Variants in TRIM47 observed in about 807,000 individuals in gnomAD.
The protein encoded by TRIM47 is tripartite motif containing 47.
A neutral mutation model predicts 54.4 loss-of-function variants in TRIM47; 46 were observed. The observed-to-expected ratio is 0.84, with a 90% CI of 0.67 to 1.08. The LOEUF (loss-of-function observed/expected upper bound fraction) is 1.08, where lower values mean the gene tolerates loss of function less well. TRIM47 is among the 50% of genes least tolerant of loss of function. TRIM47 has a pLI of 0.00. For missense variants in TRIM47, 825 were observed against 910.1 expected (o/e 0.91, Z 1.20); for synonymous variants, 392 against 410.2 (o/e 0.96, Z 0.54).
Position 75,875,848 on chromosome 17 carries a change from TGC to T in TRIM47, c.1201+51_1201+52del, listed in dbSNP as rs1490968673. The T allele has an allele frequency of 1.3e-6, 2 of 1,576,420 alleles. No individual in the cohort carries two copies. The highest frequency in any genetic ancestry group is 2.7e-5 in the African/African-American group (2 of 74,150). ...GATGGGCGCCAGGCCTGGGGGCCTG[TGC>T]GAGAGGCTGGCAGAGGGTGAGTCAT... On this transcript the variant is annotated intron_variant, in intron 4 of 5. Transcript: ENST00000254816. The surrounding 1 kb of genome is among the most constrained non-coding windows in gnomAD (Gnocchi z 6.1).
chr17:75,875,712 C>T lies in TRIM47; in HGVS notation c.1201+189G>A. On this transcript the variant is annotated intron_variant, in intron 4 of 5. Transcript: ENST00000254816. The surrounding 1 kb of genome is among the most constrained non-coding windows in gnomAD (Gnocchi z 6.1). ...TAGAGGGTGGGCTAGGAGAAGCCCC[C>T]TCTACCCCAGGTCCAAGGGGCTGAT... 1.3e-6 allele frequency: 1 copy of T among 766,428 alleles called. No homozygotes were observed. Among genetic ancestry groups the T allele is most frequent in the East Asian group, 2.7e-5 (1 of 37,176 alleles). 47.5% of individuals were successfully genotyped at this position (766,428 alleles called of 1,614,324 possible). A position where few individuals can be genotyped will look rare whatever the true frequency, so the allele number is the denominator to read the frequency against.
At position 75,878,300 on chromosome 17, in the gene TRIM47, C is replaced by G; in HGVS notation, c.249G>C (p.Ser83=). ...CCGGGCCGGGGCCGGACCCGGGGCC[C>G]GAGCCCTGGCGGAGCTGCAGCAGCT... ...LSELLQLRQG[S]GPGSGPGPAP... The change falls in exon 1 of 6, where the codon TCG becomes TCC. Residue 83 remains serine (S), a synonymous_variant. Coordinates refer to ENST00000254816, the MANE Select transcript of TRIM47 (RefSeq NM_033452.3). 7.8e-7 allele frequency: 1 copy of G among 1,274,762 alleles called. No individual in the cohort carries two copies. The allele number at this position is 1,274,762 out of a possible 1,614,324, so 79.0% of individuals were successfully genotyped here. A position where few individuals can be genotyped will look rare whatever the true frequency, so the allele number is the denominator to read the frequency against.
In TRIM47 at chr17:75,874,752, C is replaced by T; in HGVS notation, c.1648G>A (p.Val550Ile). ...LPHPFSPTVG[V>I]CLEYADRALA... ...GCACGGTCAGCGTATTCCAGGCAGA[C>T]CCCAACCGTGGGCGAGAAGGGGTGG... Residue 550 changes from valine to isoleucine, a missense_variant, in exon 6 of 6, where the codon GTC becomes ATC. Transcript: ENST00000254816. The surrounding 1 kb of genome is among the most constrained non-coding windows in gnomAD (Gnocchi z 6.2). 6.2e-7 allele frequency: 1 copy of T among 1,614,072 alleles called. No individual in the cohort carries two copies. The highest frequency in any genetic ancestry group is 1.1e-5 in the South Asian group (1 of 91,086).
chr17:75,877,985 C>A lies in TRIM47; in HGVS notation c.564G>T (p.Pro188=). ...EESLCPRHLR[P]LERYCRAERV... is the part of the protein sequence containing the mutation. ...GCTCCGCGCGGCAGTAGCGCTCGAG[C>A]GGCCGTAGGTGGCGCGGGCACAGGC... Residue 188 remains proline (P), a synonymous_variant, in exon 1 of 6, where the codon CCG becomes CCT. Transcript: ENST00000254816. The A allele has an allele frequency of 5.5e-6, 8 of 1,463,622 alleles. No homozygotes were observed. The highest frequency in any genetic ancestry group is 7.2e-6 in the Non-Finnish European group (8 of 1,111,914). The allele number at this position is 1,463,622 out of a possible 1,614,324, so 90.7% of individuals were successfully genotyped here. A position where few individuals can be genotyped will look rare whatever the true frequency, so the allele number is the denominator to read the frequency against.
In TRIM47 at chr17:75,874,266, GCT is replaced by G. The variant is rs1403218136; in HGVS notation, c.*215_*216del. 6 of 428,900 alleles carry G rather than the reference GCT, an allele frequency of 1.4e-5. No individual in the cohort carries two copies. Among genetic ancestry groups the G allele is most frequent in the African/African-American group, 1.2e-4 (6 of 49,266 alleles). The allele number at this position is 428,900 out of a possible 1,614,324, so 26.6% of individuals were successfully genotyped here. On this transcript the variant is annotated 3_prime_UTR_variant, in exon 6 of 6. Transcript: ENST00000254816. The surrounding 1 kb of genome is among the most constrained non-coding windows in gnomAD (Gnocchi z 6.2). Reference sequence around the variant, plus strand: ...GTAGCTTGGAGCTGTCCCAGCTGTAGCTCTGTCTCCCAGAAGTGAGGTCTGCA... The same window carrying G: ...GTAGCTTGGAGCTGTCCCAGCTGTAGCTGTCTCCCAGAAGTGAGGTCTGCA...
intron 1 of TRIM47, 46 bp from the exon 2 acceptor site, chr17:75,876,859 A>C (rs1400754294): frequency 6.3e-7 from 1 of 1,590,830 alleles, no homozygotes; most frequent in African/African-American, 1.3e-5. Flanking sequence ...CAGAGGCCAC[A>C]GCCCTACACT....
rs1291436873 is a variant in TRIM47 at position 75,876,822 on chromosome 17, A to G, written c.676-9T>C. On this transcript the variant is annotated splice_polypyrimidine_tract_variant and intron_variant, in intron 1 of 5. Coordinates refer to ENST00000254816, the MANE Select transcript of TRIM47 (RefSeq NM_033452.3). ...ACTTTGGACTGCTCAGCCTGTGGACAACACCCTCCATGAGTGTGAGGTCTG... is the reference window on the plus strand; with the variant it reads ...ACTTTGGACTGCTCAGCCTGTGGACGACACCCTCCATGAGTGTGAGGTCTG... The G allele has an allele frequency of 1.2e-6, 2 of 1,613,602 alleles. No individual in the cohort carries two copies. Among genetic ancestry groups the G allele is most frequent in the Non-Finnish European group, 1.7e-6 (2 of 1,179,842 alleles).
Position 75,878,075 on chromosome 17 carries a change from C to A in TRIM47, c.474G>T (p.Pro158=). 4 of 1,352,812 alleles carry A rather than the reference C, an allele frequency of 3.0e-6. No homozygotes were observed. Among genetic ancestry groups the A allele is most frequent in the South Asian group, 1.8e-5 (1 of 55,850 alleles). 83.8% of individuals were successfully genotyped at this position (1,352,812 alleles called of 1,614,324 possible). A position where few individuals can be genotyped will look rare whatever the true frequency, so the allele number is the denominator to read the frequency against. Reference sequence around the variant, plus strand: ...CGCGGAGGGCGGGGCTGCGCTCGTGCGGGCCCAGGTGCGCGGGGCAAAAGG... The same window carrying A: ...CGCGGAGGGCGGGGCTGCGCTCGTGAGGGCCCAGGTGCGCGGGGCAAAAGG... The part of the protein sequence containing the change: ...LASFCPAHLG[P]HERSPALRGH... The change falls in exon 1 of 6, where the codon CCG becomes CCT. Residue 158 remains proline (P), a synonymous_variant. Coordinates refer to ENST00000254816, the MANE Select transcript of TRIM47 (RefSeq NM_033452.3).
Position 75,877,895 on chromosome 17 carries a change from C to A in TRIM47, c.654G>T (p.Glu218Asp). 7.1e-7 allele frequency: 1 copy of A among 1,414,138 alleles called. No homozygotes were observed. The highest frequency in any genetic ancestry group is 9.2e-7 in the Non-Finnish European group (1 of 1,087,480). 87.6% of individuals were successfully genotyped at this position (1,414,138 alleles called of 1,614,324 possible). A position where few individuals can be genotyped will look rare whatever the true frequency, so the allele number is the denominator to read the frequency against. ...EHRGHELVPL[E>D]QERALQEAEQ... is the part of the protein sequence containing the mutation. ...CCACCTCCTGAAGCGCGCGCTCCTGCTCCAGCGGCACCAGCTCGTGGCCGC... is the reference window on the plus strand; with the variant it reads ...CCACCTCCTGAAGCGCGCGCTCCTGATCCAGCGGCACCAGCTCGTGGCCGC... The change falls in exon 1 of 6, where the codon GAG (glutamate) becomes GAT (aspartate). Residue 218 changes from glutamate (E) to aspartate (D), a missense_variant. Transcript: ENST00000254816.
rs1239380787 is a variant in TRIM47, at chr17:75,875,205, C to T, written c.1277-82G>A. The T allele has an allele frequency of 3.3e-6, 5 of 1,500,180 alleles. No individual in the cohort carries two copies. The highest frequency in any genetic ancestry group is 1.4e-5 in the African/African-American group (1 of 71,620). The allele number at this position is 1,500,180 out of a possible 1,614,324, so 92.9% of individuals were successfully genotyped here. A position where few individuals can be genotyped will look rare whatever the true frequency, so the allele number is the denominator to read the frequency against. On this transcript the variant is annotated intron_variant, in intron 5 of 5. Transcript: ENST00000254816. The surrounding 1 kb of genome is among the most constrained non-coding windows in gnomAD (Gnocchi z 6.1). ...GCCCCTCCCCAAGTACCCACCCCCCCAAAACACAGCCTCTCCCCTGCTTTC... is the reference window on the plus strand; with the variant it reads ...GCCCCTCCCCAAGTACCCACCCCCCTAAAACACAGCCTCTCCCCTGCTTTC...
intron 1 of TRIM47, chr17:75,877,091 G>A: frequency 2.1e-6 from 1 of 466,598 alleles, no homozygotes; most frequent in Non-Finnish European, 3.9e-6. Context: ...TGGTCTCAGT[G>A]TTGCTCAGAT....
rs1486189943 is a variant in TRIM47 at position 75,874,517 on chromosome 17, T to C, written c.1883A>G (p.Lys628Arg). 1 of 1,512,398 alleles carries C rather than the reference T, an allele frequency of 6.6e-7. No individual in the cohort carries two copies. 93.7% of individuals were successfully genotyped at this position (1,512,398 alleles called of 1,614,324 possible). A position where few individuals can be genotyped will look rare whatever the true frequency, so the allele number is the denominator to read the frequency against. The stretch of plus-strand genomic sequence containing the variant: ...CTTCAGCACGGATATGCAGGACTTC[T>C]TGAGGGGCCCGATCTGCAAGTGGGC... ...VDAHLQIGPL[K>R]KSCISVLKRR The change falls in exon 6 of 6, where the codon AAG (lysine) becomes AGG (arginine). Residue 628 changes from lysine (K) to arginine (R), a missense_variant. By Grantham distance (26) the Lys-to-Arg change is conservative. Transcript: ENST00000254816. This position sits in a 1 kb window ranked among gnomAD's most constrained non-coding sequence, Gnocchi z 6.2.
In TRIM47 at chr17:75,878,513, G is replaced by T; in HGVS notation, c.36C>A (p.Cys12Ter). ...DGSGPFSCPI[C>*]LEPLREPVTL... The stretch of plus-strand genomic sequence containing the variant: ...TCACCGGCTCCCGGAGTGGCTCTAG[G>T]CAGATGGGGCAGCTGAAGGGTCCAC... The change falls in exon 1 of 6, where the codon TGC becomes TGA. Residue 12 changes from cysteine (C) to a stop codon, truncating the protein, a stop_gained. Coordinates refer to ENST00000254816, the MANE Select transcript of TRIM47 (RefSeq NM_033452.3). LOFTEE classifies it high-confidence loss of function. The T allele has an allele frequency of 7.5e-7, 1 of 1,333,304 alleles. No homozygotes were observed. The highest frequency in any genetic ancestry group is 9.7e-7 in the Non-Finnish European group (1 of 1,032,156). The allele number at this position is 1,333,304 out of a possible 1,614,324, so 82.6% of individuals were successfully genotyped here. A position where few individuals can be genotyped will look rare whatever the true frequency, so the allele number is the denominator to read the frequency against.
Position 75,875,752 on chromosome 17 carries a change from T to C in TRIM47, c.1201+149A>G. The C allele has an allele frequency of 1.1e-6, 1 of 938,918 alleles. No individual in the cohort carries two copies. The highest frequency in any genetic ancestry group is 1.6e-6 in the Non-Finnish European group (1 of 630,964). 58.2% of individuals were successfully genotyped at this position (938,918 alleles called of 1,614,324 possible). A position where few individuals can be genotyped will look rare whatever the true frequency, so the allele number is the denominator to read the frequency against. On this transcript the variant is annotated intron_variant, in intron 4 of 5. Transcript: ENST00000254816. The surrounding 1 kb of genome is among the most constrained non-coding windows in gnomAD (Gnocchi z 6.1). ...AAGGGGCTGATTGATCCCCACAGGG[T>C]GGCAGCTCTAGTCACTGGCAGGATT... is the stretch of plus-strand genomic sequence containing the variant.
Position 75,878,134 on chromosome 17 carries a change from G to A in TRIM47, c.415C>T (p.Pro139Ser), listed in dbSNP as rs2065147080. 3 of 1,252,730 alleles carry A rather than the reference G, an allele frequency of 2.4e-6. No individual in the cohort carries two copies. Among genetic ancestry groups the A allele is most frequent in the Non-Finnish European group, 3.0e-6 (3 of 999,826 alleles). 77.6% of individuals were successfully genotyped at this position (1,252,730 alleles called of 1,614,324 possible). ...CAGGAGAGGCAGGACAGCGCGGCGG[G>A]CAGGGCCGCGCCCTCGGGGCACGCG... ...CDACPEGAAL[P>S]AALSCLSCLA... Residue 139 changes from proline to serine, a missense_variant, in exon 1 of 6, where the codon CCC becomes TCC. Physicochemically the swap from Pro to Ser is moderately conservative, Grantham distance 74 (BLOSUM62 -1). Coordinates refer to ENST00000254816, the MANE Select transcript of TRIM47 (RefSeq NM_033452.3).
chr17:75,878,078 GC>G lies in TRIM47; in HGVS notation c.470del (p.Gly157AlafsTer21). On this transcript the variant is annotated frameshift_variant, in exon 1 of 6. Transcript: ENST00000254816. LOFTEE classifies it high-confidence loss of function. ...GGAGGGCGGGGCTGCGCTCGTGCGGGCCCAGGTGCGCGGGGCAAAAGGAGGC... is the reference window on the plus strand; with the variant it reads ...GGAGGGCGGGGCTGCGCTCGTGCGGGCCAGGTGCGCGGGGCAAAAGGAGGC... ...CLASFCPAHL[G>X]PHERSPALRG... 1.5e-6 allele frequency: 2 copies of G among 1,342,572 alleles called. No individual in the cohort carries two copies. The highest frequency in any genetic ancestry group is 1.9e-5 in the South Asian group (1 of 53,718). 83.2% of individuals were successfully genotyped at this position (1,342,572 alleles called of 1,614,324 possible).
Position 75,875,343 on chromosome 17 carries a change from G to T in TRIM47, c.1276+57C>A. 6.4e-7 allele frequency: 1 copy of T among 1,562,144 alleles called. No homozygotes were observed. Among genetic ancestry groups the T allele is most frequent in the Non-Finnish European group, 8.8e-7 (1 of 1,133,400 alleles). ...GTGTGCCAGGGCCCTGCTGGGACCA[G>T]CCCAGCAGCCCTGGGAGGGCCCAGT... On this transcript the variant is annotated intron_variant, in intron 5 of 5. Transcript: ENST00000254816. This position sits in a 1 kb window ranked among gnomAD's most constrained non-coding sequence, Gnocchi z 6.1.
chr17:75,877,784 C>G (rs1025612279), intron 1 of TRIM47, 90 bp downstream of exon 1: 43 of 1,265,560 alleles, frequency 3.4e-5, no homozygotes, highest in African/African-American at 2.9e-4. Context: ...AGACCCAACC[C>G]GGGAAGACTG....
Position 75,878,433 on chromosome 17 carries a change from T to G in TRIM47, c.116A>C (p.His39Pro). 1 of 1,429,406 alleles carries G rather than the reference T, an allele frequency of 7.0e-7. No individual in the cohort carries two copies. The highest frequency in any genetic ancestry group is 9.2e-7 in the Non-Finnish European group (1 of 1,082,230). The allele number at this position is 1,429,406 out of a possible 1,614,324, so 88.5% of individuals were successfully genotyped here. A position where few individuals can be genotyped will look rare whatever the true frequency, so the allele number is the denominator to read the frequency against. Residue 39 changes from histidine (H) to proline (P), a missense_variant, in exon 1 of 6, where the codon CAT becomes CCT. His to Pro is a moderately conservative substitution (Grantham distance 77). Coordinates refer to ENST00000254816, the MANE Select transcript of TRIM47 (RefSeq NM_033452.3). The part of the protein sequence containing the change: ...CLACLGALWP[H>P]RGASGAGGPG... ...TCCGCCGGCTCCACTCGCGCCACGA[T>G]GCGGCCAGAGCGCGCCCAGGCAGGC...
Sources: gnomAD v4.1 joint callset for allele counts on GRCh38, gnomAD v4.1.1 for gene constraint, Gnocchi (gnomAD v3.1) non-coding constraint, MANE v1.5 for transcripts, NCBI Gene and HGNC (gene_info 2026-07-23, HGNC 2026-07-21) for gene names.